CFAP58: variants seen among roughly 807,000 people sequenced by gnomAD.
CFAP58 encodes the protein cilia and flagella associated protein 58, also known as cilia- and flagella-associated protein 58.
CFAP58 carries 88 observed loss-of-function variants against 119.5 expected under a neutral mutation model. The observed-to-expected ratio is 0.74, with a 90% CI of 0.62 to 0.88. CFAP58 has a LOEUF of 0.88. Ranked by LOEUF, CFAP58 falls within the 40% of genes least tolerant of loss-of-function variation. The probability of loss-of-function intolerance (pLI) is 0.00; values close to 1 mark genes in which losing one functional copy is unlikely to be tolerated. For synonymous variants in CFAP58, 365 were observed against 366.3 expected (o/e 1.00, Z 0.04); for missense variants, 990 against 1,021.2 (o/e 0.97, Z 0.42).
chr10:104,360,589 C>T (rs559527834), intron 2 of CFAP58, among the ~76,000 whole-genome samples: 1 of 152,260 alleles, frequency 6.6e-6, no homozygotes, highest in African/African-American at 2.4e-5. Context: ...AGGTATTAAG[C>T]CTAGTATCCA....
In CFAP58 at chr10:104,393,487, A is replaced by G. The variant is rs1250515436; in HGVS notation, c.1674+12A>G. 10 of 1,605,444 alleles carry G rather than the reference A, an allele frequency of 6.2e-6. No individual in the cohort carries two copies. The highest frequency in any genetic ancestry group is 8.5e-6 in the Non-Finnish European group (10 of 1,174,008). On this transcript the variant is annotated intron_variant, in intron 11 of 17. Transcript: ENST00000369704. ...AGGAAACATTGAAGGTACTGACCTC[A>G]TAGTAAAAGCAAAGTACCAACAGTT...
In CFAP58 at chr10:104,368,669, A is replaced by C. The variant is rs75715515; in HGVS notation, c.930+109A>C. ...AGCCTGTGTTGGCTCTACTGAGTAC[A>C]TTGACACATCAGAGGCAGGTGCAAG... On this transcript the variant is annotated intron_variant, in intron 6 of 17. Coordinates refer to ENST00000369704, the MANE Select transcript of CFAP58 (RefSeq NM_001008723.2). 2.3e-3 allele frequency: 2,674 copies of C among 1,161,288 alleles called. 53 individuals carry two copies. The African/African-American group carries it at 0.037, about 16-fold the overall frequency. 71.9% of individuals were successfully genotyped at this position (1,161,288 alleles called of 1,614,324 possible).
chr10:104,339,309 A>G, the CFAP58 span, among the ~76,000 whole-genome samples: 1 of 152,224 alleles, frequency 6.6e-6, no homozygotes, highest in Non-Finnish European at 1.5e-5. Flanking sequence ...GTGACGGTAG[A>G]TCAAGTGTTA....
At chr10:104,413,793 G>GCAT (rs375996760) in intron 15 of CFAP58, among the ~76,000 whole-genome samples, 23 of 151,246 alleles carry the variant, frequency 1.5e-4, no homozygotes, top group Non-Finnish European at 3.1e-4. Context: ...GATAGCATTG[G>GCAT]CATCATCATC....
chr10:104,437,595 G>T (rs2012955701), intron 15 of CFAP58, among the ~76,000 whole-genome samples: 4 of 152,016 alleles, frequency 2.6e-5, no homozygotes, highest in Admixed American at 2.6e-4. Flanking sequence ...CATGATATTA[G>T]AAAAATGATA....
rs559084963 is a variant in CFAP58, at chr10:104,357,958, C to CAT, written c.10-378_10-377dup. ...ACACATATATGTACACATATATACACATATATGTACACATATGTACATATG... is the reference window on the plus strand; with the variant it reads ...ACACATATATGTACACATATATACACATATATATGTACACATATGTACATATG... On this transcript the variant is annotated intron_variant, in intron 1 of 17. Coordinates refer to ENST00000369704, the MANE Select transcript of CFAP58 (RefSeq NM_001008723.2). Among the ~76,000 whole-genome samples the CAT allele has an allele frequency of 8.9e-5, 10 of 112,470 alleles. 1 individual carries two copies. In the South Asian group the frequency reaches 2.4e-3, roughly 27 times the overall value. 73.8% of individuals were successfully genotyped at this position (112,470 alleles called of 152,430 possible). A position where few individuals can be genotyped will look rare whatever the true frequency, so the allele number is the denominator to read the frequency against.
intron 15 of CFAP58, among the ~76,000 whole-genome samples, chr10:104,407,959 G>C (rs1035087638): frequency 6.6e-6 from 1 of 152,160 alleles, no homozygotes; most frequent in African/African-American, 2.4e-5. Flanking sequence ...GCCTCCCAAA[G>C]TGCTGGGATT....
At chr10:104,386,921 A>G (rs953464109) in intron 9 of CFAP58, among the ~76,000 whole-genome samples, 3 of 152,194 alleles carry the variant, frequency 2.0e-5, no homozygotes, top group African/African-American at 7.2e-5. Context: ...GCTGTGAGTG[A>G]CTTCCAGACC....
upstream of CFAP58, among the ~76,000 whole-genome samples, chr10:104,349,261 C>CCAAAA (rs200006936): frequency 6.6e-3 from 1,009 of 152,092 alleles, 4 homozygotes; most frequent in Middle Eastern, 0.017. Context: ...CGCCTCCACA[C>CCAAAA]CAAAACAAAA....
intron 7 of CFAP58, 63 bp downstream of exon 7, chr10:104,371,117 A>T: frequency 6.8e-7 from 1 of 1,472,278 alleles, no homozygotes; most frequent in Non-Finnish European, 9.2e-7. Context: ...GTTATCTTGT[A>T]ACCCAGGGCT....
intron 7 of CFAP58, among the ~76,000 whole-genome samples, chr10:104,371,484 T>C (rs1456067522): frequency 6.6e-6 from 1 of 152,240 alleles, no homozygotes; most frequent in African/African-American, 2.4e-5. Flanking sequence ...GAATGGCTTC[T>C]AACATCTTTT....
the CFAP58 span, among the ~76,000 whole-genome samples, chr10:104,341,907 A>T: frequency 2.7e-4 from 41 of 152,292 alleles, no homozygotes; most frequent in East Asian, 6.9e-3. Context: ...AAATACTAGA[A>T]ATCTTCTAAA....
At chr10:104,356,760 A>C (rs536442693) in intron 1 of CFAP58, among the ~76,000 whole-genome samples, 1 of 152,272 alleles carries the variant, frequency 6.6e-6, no homozygotes, top group African/African-American at 2.4e-5. Context: ...GATAGGGATC[A>C]AATTCTATGC....
At chr10:104,373,981 T>G (rs1223757329) in intron 7 of CFAP58, among the ~76,000 whole-genome samples, 1 of 152,172 alleles carries the variant, frequency 6.6e-6, no homozygotes, top group Non-Finnish European at 1.5e-5. Flanking sequence ...AATAATGGCA[T>G]GACAATAAGC....
chr10:104,340,279 G>C, the CFAP58 span, among the ~76,000 whole-genome samples: 1 of 152,134 alleles, frequency 6.6e-6, no homozygotes, highest in South Asian at 2.1e-4. Context: ...TTCCCAGAAC[G>C]TGATATGCTC....
chr10:104,344,477 G>A, the CFAP58 span, among the ~76,000 whole-genome samples: 41 of 152,196 alleles, frequency 2.7e-4, 1 homozygote, highest in African/African-American at 8.9e-4. Context: ...TGGCTGCTCT[G>A]GGGCTCTAAC....
chr10:104,400,654 G>A (rs373505712), intron 12 of CFAP58, 26 bp from the exon 13 acceptor site: 14 of 1,590,524 alleles, frequency 8.8e-6, no homozygotes, highest in East Asian at 4.5e-5. Flanking sequence ...CTTCCCTGGT[G>A]ACTATGCCCC....
At chr10:104,393,497 C>T (rs775144506) in intron 11 of CFAP58, 22 bp downstream of exon 11, 3 of 1,602,426 alleles carry the variant, frequency 1.9e-6, no homozygotes, top group Non-Finnish European at 2.6e-6. Context: ...ATAGTAAAAG[C>T]AAAGTACCAA....
chr10:104,385,181 T>C (rs1393264995), intron 9 of CFAP58, among the ~76,000 whole-genome samples: 2 of 152,090 alleles, frequency 1.3e-5, no homozygotes, highest in Admixed American at 6.6e-5. Flanking sequence ...TCTAGAATGC[T>C]ATGGCAACAG....
Sources: gnomAD v4.1 joint callset for allele counts (sites outside exome capture counted in the v4.1 genomes callset) on GRCh38, gnomAD v4.1.1 for gene constraint, MANE v1.5 for transcripts, NCBI Gene and HGNC (gene_info 2026-07-23, HGNC 2026-07-21) for gene names.